JAG1: variants seen among roughly 807,000 people sequenced by gnomAD.
The protein encoded by JAG1 is jagged canonical Notch ligand 1, also known as protein jagged-1.
Under a neutral mutation model 148.7 loss-of-function variants are expected in JAG1, and 23 were observed. That is an observed-to-expected ratio of 0.15 (90% CI 0.11 to 0.22). JAG1 has a LOEUF of 0.22. Among genes scored for constraint, JAG1 ranks in the 10% least tolerant of loss-of-function variants. JAG1 has a pLI of 1.00. For missense variants in JAG1, 1,054 were observed against 1,611.2 expected, an observed-to-expected ratio of 0.65 and a Z score of 5.92; for synonymous variants, 572 against 598.3, an observed-to-expected ratio of 0.96 and a Z score of 0.64.
chr20:10,641,155 G>A lies in JAG1; in HGVS notation c.3006C>T (p.Cys1002=), dbSNP rs372984801. The A allele has an allele frequency of 3.2e-5, 52 of 1,613,808 alleles. No homozygotes were observed. Among genetic ancestry groups the A allele is most frequent in the Admixed American group, 1.0e-4 (6 of 60,004 alleles). The change falls in exon 24 of 26, where the codon TGC becomes TGT. Residue 1002 remains cysteine, a synonymous_variant. Coordinates refer to ENST00000254958, the MANE Select transcript of JAG1 (RefSeq NM_000214.3). ...VSAEYSIYIA[C]EPSPSANNEI... is the part of the protein sequence containing the mutation. Reference sequence around the variant, plus strand: ...CATTGTTCGCTGAAGGGGAAGGCTCGCAAGCGATGTAGATTGAATATTCAG... The same window carrying A: ...CATTGTTCGCTGAAGGGGAAGGCTCACAAGCGATGTAGATTGAATATTCAG...
chr20:10,669,547 CAAAAAAAAAAAAAAAAAAAAAA>C (rs56122797), intron 2 of JAG1, among the ~76,000 whole-genome samples: 462 of 44,196 alleles, frequency 0.01, 6 homozygotes, highest in South Asian at 0.058. Context: ...TTGGATTTTC[CAAAAAAAAAAAAAAAAAAAAAA>C]AAAAAAAAAA....
rs908259347 is a variant in JAG1 at position 10,669,672 on chromosome 20, A to G, written c.387+3029T>C. 6.0e-5 allele frequency among the ~76,000 whole-genome samples: 9 copies of G among 150,676 alleles called. No homozygotes were observed. The Admixed American group carries it at 6.0e-4, about 10-fold the overall frequency. ...CCAGATACCCCAATTTCTTCCCCTA[A>G]CGTTTCTCTAGATTCATTTCACTCT... On this transcript the variant is annotated intron_variant, in intron 2 of 25. Transcript: ENST00000254958.
intron 8 of JAG1, chr20:10,650,954 G>A (rs949479746): frequency 6.2e-6 from 1 of 161,296 alleles, no homozygotes; most frequent in African/African-American, 2.4e-5. Flanking sequence ...CAAGTGACAG[G>A]TGGGGGCCTA....
intron 2 of JAG1, 112 bp from the exon 3 acceptor site, chr20:10,664,126 T>C (rs2067435819): frequency 5.8e-6 from 5 of 861,528 alleles, no homozygotes; most frequent in Non-Finnish European, 9.9e-6. Flanking sequence ...AATGCCAAAA[T>C]AAAAATTCTG....
chr20:10,663,944 C>A lies in JAG1; in HGVS notation c.439+19G>T. 1.2e-6 allele frequency: 2 copies of A among 1,609,774 alleles called. No individual in the cohort carries two copies. Among genetic ancestry groups the A allele is most frequent in the Non-Finnish European group, 1.7e-6 (2 of 1,176,056 alleles). ...CTTCCACGTGTGTTTAGAGAAAAGT[C>A]CACAGAAGCGATACTTACGAACGGT... is the stretch of plus-strand genomic sequence containing the variant. On this transcript the variant is annotated intron_variant, in intron 3 of 25. Coordinates refer to ENST00000254958, the MANE Select transcript of JAG1 (RefSeq NM_000214.3).
Position 10,645,571 on chromosome 20 carries a change from C to A in JAG1, c.2000-102G>T. The A allele has an allele frequency of 1.1e-6, 1 of 891,882 alleles. No homozygotes were observed. Among genetic ancestry groups the A allele is most frequent in the South Asian group, 1.3e-5 (1 of 74,958 alleles). 55.2% of individuals were successfully genotyped at this position (891,882 alleles called of 1,614,324 possible). ...TACTGCTTACATCCAACATCCTATTCTGAGAACAGCCACAGTCGTAGTACT... is the reference window on the plus strand; with the variant it reads ...TACTGCTTACATCCAACATCCTATTATGAGAACAGCCACAGTCGTAGTACT... On this transcript the variant is annotated intron_variant, in intron 15 of 25. Transcript: ENST00000254958. This position sits in a 1 kb window ranked among gnomAD's most constrained non-coding sequence, Gnocchi z 6.1.
chr20:10,665,580 T>C (rs931180576), intron 2 of JAG1, among the ~76,000 whole-genome samples: 3 of 152,218 alleles, frequency 2.0e-5, no homozygotes, highest in African/African-American at 7.2e-5. Context: ...AGAAATTATA[T>C]TTCTCTACTG....
At chr20:10,640,013 CG>C (rs1176473201) in intron 25 of JAG1, 58 bp from the exon 26 acceptor site, 51 of 1,367,410 alleles carry the variant, frequency 3.7e-5, no homozygotes, top group Non-Finnish European at 5.0e-5. Context: ...AAAGCATCAT[CG>C]CAGGAACAAA....
Position 10,646,155 on chromosome 20 carries a change from T to C in JAG1, c.1886-71A>G. The stretch of plus-strand genomic sequence containing the variant: ...GCCATAGACAAGCACTGTTCAGCAG[T>C]TTTCATGGCTCCCTCCTGACACAAT... On this transcript the variant is annotated intron_variant, in intron 14 of 25. Coordinates refer to ENST00000254958, the MANE Select transcript of JAG1 (RefSeq NM_000214.3). 2.8e-6 allele frequency: 3 copies of C among 1,075,646 alleles called. No individual in the cohort carries two copies. In the East Asian group the frequency reaches 7.1e-5, roughly 26 times the overall value. 66.6% of individuals were successfully genotyped at this position (1,075,646 alleles called of 1,614,324 possible).
intron 3 of JAG1, among the ~76,000 whole-genome samples, chr20:10,659,442 A>T (rs3790161): frequency 0.55 from 83,756 of 151,946 alleles, 23,236 homozygotes; most frequent in East Asian, 0.71. Context: ...AAGAAATTTC[A>T]TTATTCCAGA....
At chr20:10,644,755 AAAAGCAGACATCAAAC>A in intron 18 of JAG1, 92 bp downstream of exon 18, 1 of 857,050 alleles carries the variant, frequency 1.2e-6, no homozygotes, top group African/African-American at 1.7e-5. Context: ...CAGGTGATAC[AAAAGCAGACATCAAAC>A]AGCTCTGCTT....
chr20:10,672,799 C>G lies in JAG1; in HGVS notation c.289G>C (p.Gly97Arg), dbSNP rs2067506326. ...TTGCCCCCGATGACAGGCGTGGACC[C>G]TGAGCCGAAGCTGCAGGGCCCCCCG... ...TAGGPCSFGS[G>R]STPVIGGNTF... Residue 97 changes from glycine to arginine, a missense_variant, in exon 2 of 26, where the codon GGG (glycine) becomes CGG (arginine). Physicochemically the swap from Gly to Arg is moderately radical, Grantham distance 125. This residue lies in a region of JAG1 where 151 missense variants were observed against 211.1 expected (regional missense o/e 0.72). Coordinates refer to ENST00000254958, the MANE Select transcript of JAG1 (RefSeq NM_000214.3). 1.2e-6 allele frequency: 2 copies of G among 1,613,170 alleles called. No homozygotes were observed. Among genetic ancestry groups the G allele is most frequent in the Non-Finnish European group, 1.7e-6 (2 of 1,180,028 alleles).
Position 10,641,874 on chromosome 20 carries a change from A to T in JAG1, c.2591T>A (p.Ile864Asn). 1 of 1,612,788 alleles carries T rather than the reference A, an allele frequency of 6.2e-7. No homozygotes were observed. The highest frequency in any genetic ancestry group is 8.5e-7 in the Non-Finnish European group (1 of 1,178,736). ...ATCTGGTATCACACTCCCCATGGTGATGCAAGGTCTCCCTGAAACTGACAG... is the reference window on the plus strand; with the variant it reads ...ATCTGGTATCACACTCCCCATGGTGTTGCAAGGTCTCCCTGAAACTGACAG... Reference protein sequence around the residue: ...KCQEVSGRPCITMGSVIPDGA... With the variant: ...KCQEVSGRPCNTMGSVIPDGA... The change falls in exon 22 of 26, where the codon ATC (isoleucine) becomes AAC (asparagine). Residue 864 changes from isoleucine to asparagine, a missense_variant. Transcript: ENST00000254958.
At chr20:10,656,888 A>C (rs2067382990) in intron 4 of JAG1, among the ~76,000 whole-genome samples, 3 of 151,650 alleles carry the variant, frequency 2.0e-5, no homozygotes, top group Middle Eastern at 6.8e-3. Context: ...AAAAAAAAAA[A>C]AAAAAAACAA....
intron 2 of JAG1, among the ~76,000 whole-genome samples, chr20:10,669,816 A>G (rs1185522504): frequency 6.6e-6 from 1 of 152,162 alleles, no homozygotes. Flanking sequence ...ACTGGGATTT[A>G]GCACTAATTT....
rs779813789 is a variant in JAG1, at chr20:10,645,277, G to A, written c.2114-21C>T. ...GTCACCTGGAGGAAAATATTTCAGT[G>A]TGAGTCCCAGTGGCCCCCTCCCACA... On this transcript the variant is annotated intron_variant, in intron 16 of 25. Transcript: ENST00000254958. The surrounding 1 kb of genome is among the most constrained non-coding windows in gnomAD (Gnocchi z 6.1). 24 of 1,608,700 alleles carry A rather than the reference G, an allele frequency of 1.5e-5. No homozygotes were observed. In the South Asian group the frequency reaches 2.5e-4, roughly 17 times the overall value.
chr20:10,663,354 G>A (rs528227909), intron 3 of JAG1, among the ~76,000 whole-genome samples: 17 of 152,324 alleles, frequency 1.1e-4, no homozygotes, highest in Non-Finnish European at 1.5e-4. Context: ...CATCCTCCAT[G>A]GCTTATCCAC....
rs1409408656 is a variant in JAG1, at chr20:10,638,912, T to C, written c.*586A>G. ...TAAAAAAGAATTATTTACATAACTA[T>C]ACAAAGTTCTACTTTTGACATTTTT... On this transcript the variant is annotated 3_prime_UTR_variant, in exon 26 of 26. Coordinates refer to ENST00000254958, the MANE Select transcript of JAG1 (RefSeq NM_000214.3). 2 of 155,524 alleles carry C rather than the reference T, an allele frequency of 1.3e-5. No homozygotes were observed. Among genetic ancestry groups the C allele is most frequent in the Non-Finnish European group, 2.9e-5 (2 of 69,694 alleles). The allele number at this position is 155,524 out of a possible 1,614,324, so 9.6% of individuals were successfully genotyped here.
intron 20 of JAG1, among the ~76,000 whole-genome samples, chr20:10,642,840 TTTTAA>T (rs1482676292): frequency 6.6e-6 from 1 of 152,188 alleles, no homozygotes; most frequent in African/African-American, 2.4e-5. Flanking sequence ...AGGCAGCAAT[TTTTAA>T]TTTGATTCCT....
Sources: gnomAD v4.1 joint callset for allele counts (sites outside exome capture counted in the v4.1 genomes callset) on GRCh38, gnomAD v4.1.1 for gene constraint, gnomAD v4.1.1 regional missense constraint, Gnocchi (gnomAD v3.1) non-coding constraint, MANE v1.5 for transcripts, NCBI Gene and HGNC (gene_info 2026-07-23, HGNC 2026-07-21) for gene names.